The following SH3TC1 variants were observed in gnomAD, a reference collection of about 807,000 sequenced individuals.
The protein encoded by SH3TC1 is SH3 domain and tetratricopeptide repeat-containing protein 1.
SH3TC1 carries 135 observed loss-of-function variants against 117.3 expected under a neutral mutation model. That is an observed-to-expected ratio of 1.15 (90% CI 1.00 to 1.33). The LOEUF (loss-of-function observed/expected upper bound fraction) is 1.33. Ranked by LOEUF, SH3TC1 falls within the 40% of genes most tolerant of loss-of-function variation. SH3TC1 has a pLI of 0.00. For synonymous variants in SH3TC1, 898 were observed against 816.9 expected, an observed-to-expected ratio of 1.10 and a Z score of -1.69; for missense variants, 2,092 against 1,794.3, an observed-to-expected ratio of 1.17 and a Z score of -3.00.
chr4:8,220,936 C>T (rs1484423572), intron 9 of SH3TC1, among the ~76,000 whole-genome samples: 1 of 152,262 alleles, frequency 6.6e-6, no homozygotes, highest in Non-Finnish European at 1.5e-5. Context: ...TTCTCACACA[C>T]TGCTCCATCA....
In SH3TC1 at chr4:8,206,951, G is replaced by A. The variant is rs1403994360; in HGVS notation, c.172+1585G>A. 6.6e-6 allele frequency among the ~76,000 whole-genome samples: 1 copy of A among 151,358 alleles called. No individual in the cohort carries two copies. The highest frequency in any genetic ancestry group is 1.5e-5 in the Non-Finnish European group (1 of 67,950). The stretch of plus-strand genomic sequence containing the variant: ...AAGGTGTCCATATTTCCTAAAACCA[G>A]TACATTCTCTTATATAACCGCATTG... On this transcript the variant is annotated intron_variant, in intron 2 of 17. Coordinates refer to ENST00000245105, the MANE Select transcript of SH3TC1 (RefSeq NM_018986.5). The surrounding 1 kb of genome is among the most constrained non-coding windows in gnomAD (Gnocchi z 5.5).
rs373577257 is a variant in SH3TC1, at chr4:8,233,384, C to T, written c.3153C>T (p.Asp1051=). 57 of 1,613,054 alleles carry T rather than the reference C, an allele frequency of 3.5e-5. No individual in the cohort carries two copies. Among genetic ancestry groups the T allele is most frequent in the Non-Finnish European group, 4.7e-5 (55 of 1,179,574 alleles). The change falls in exon 14 of 18, where the codon GAC becomes GAT. Residue 1051 remains aspartate, a synonymous_variant. Transcript: ENST00000245105. ...CCAGGGCCTACAAATCCGCACTGGA[C>T]TACACCAAACGAAGTCTGGGGATTT... ...GTERAYKSAL[D]YTKRSLGIFI... is the part of the protein sequence containing the mutation.
At chr4:8,218,464 T>G (rs113142756) in intron 8 of SH3TC1, 117 bp downstream of exon 8, 3 of 669,972 alleles carry the variant, frequency 4.5e-6, no homozygotes, top group African/African-American at 1.8e-5. Context: ...TATCAGGTAG[T>G]GCAAGAGTAA....
intron 12 of SH3TC1, among the ~76,000 whole-genome samples, chr4:8,230,962 G>A (rs1329836293): frequency 2.0e-5 from 3 of 151,404 alleles, no homozygotes; most frequent in African/African-American, 7.3e-5. Flanking sequence ...GTATTTTTTT[G>A]TAGAGACGGG....
In SH3TC1 at chr4:8,227,821, C is replaced by G; in HGVS notation, c.2127C>G (p.Cys709Trp). Residue 709 changes from cysteine (C) to tryptophan (W), a missense_variant, in exon 12 of 18, where the codon TGC becomes TGG. Cys to Trp is a radical substitution (Grantham distance 215). Coordinates refer to ENST00000245105, the MANE Select transcript of SH3TC1 (RefSeq NM_018986.5). ...GAPEAAWLSD[C>W]YLLLADIYSR... ...CAGAGGCCGCGTGGCTCTCAGACTG[C>G]TACCTACTCCTGGCTGACATCTACA... The G allele has an allele frequency of 6.2e-7, 1 of 1,612,810 alleles. No homozygotes were observed. Among genetic ancestry groups the G allele is most frequent in the South Asian group, 1.1e-5 (1 of 91,086 alleles).
intron 2 of SH3TC1, among the ~76,000 whole-genome samples, chr4:8,208,772 G>A (rs1014932024): frequency 6.6e-6 from 1 of 152,242 alleles, no homozygotes; most frequent in Admixed American, 6.5e-5. Context: ...CGCCACTGCA[G>A]GTGGTCAGCA....
At chr4:8,185,884 C>G (rs532452244) in intron 1 of SH3TC1, among the ~76,000 whole-genome samples, 1 of 152,162 alleles carries the variant, frequency 6.6e-6, no homozygotes, top group Non-Finnish European at 1.5e-5. Context: ...GGTCATTTGC[C>G]CTCAGATGGG....
chr4:8,235,539 C>T lies in SH3TC1; in HGVS notation c.3389C>T (p.Ala1130Val), dbSNP rs1721730114. 6.2e-7 allele frequency: 1 copy of T among 1,601,406 alleles called. No homozygotes were observed. The highest frequency in any genetic ancestry group is 1.3e-5 in the African/African-American group (1 of 74,402). The change falls in exon 15 of 18, where the codon GCT becomes GTT. Residue 1130 changes from alanine (A) to valine (V), a missense_variant. By Grantham distance (64) the Ala-to-Val change is moderately conservative. Transcript: ENST00000245105. The stretch of plus-strand genomic sequence containing the variant: ...GACGGGGCCTGGGAGCGGGAGAAAG[C>T]TGTGTCCTTCTACCGGGTGAGCTGG... ...FFDGAWEREK[A>V]VSFYRDRALP...
At chr4:8,193,033 T>A (rs1717462653) in intron 1 of SH3TC1, among the ~76,000 whole-genome samples, 1 of 152,206 alleles carries the variant, frequency 6.6e-6, no homozygotes, top group South Asian at 2.1e-4. Context: ...TAATAGATAG[T>A]TTTCTTGGCA....
intron 13 of SH3TC1, chr4:8,233,126 C>T (rs1427513268): frequency 1.5e-6 from 2 of 1,357,610 alleles, no homozygotes; most frequent in Admixed American, 3.4e-5. Context: ...TAGCACGCTC[C>T]CCCAGCCACA....
chr4:8,234,485 A>G (rs1363323217), intron 14 of SH3TC1, among the ~76,000 whole-genome samples: 1 of 102,400 alleles, frequency 9.8e-6, no homozygotes, highest in African/African-American at 3.4e-5. Context: ...CCATCCATCC[A>G]TCCATCCACC....
At chr4:8,216,406 G>C (rs1719278820) in intron 6 of SH3TC1, 149 bp downstream of exon 6, 1 of 1,212,938 alleles carries the variant, frequency 8.2e-7, no homozygotes, top group Admixed American at 2.6e-5. Flanking sequence ...CAGGCAGGGA[G>C]GTGTGCTTGG....
In SH3TC1 at chr4:8,228,774, T is replaced by C. The variant is rs192914619; in HGVS notation, c.2950+130T>C. The C allele has an allele frequency of 8.1e-5, 65 of 798,252 alleles. No individual in the cohort carries two copies. In the Admixed American group the frequency reaches 2.1e-3, roughly 26 times the overall value. 49.4% of individuals were successfully genotyped at this position (798,252 alleles called of 1,614,324 possible). A position where few individuals can be genotyped will look rare whatever the true frequency, so the allele number is the denominator to read the frequency against. ...GTGCTGAGTCATGGCAAACAGCAGA[T>C]GTTGGCAAGCGCCCTGGAGACAGGC... On this transcript the variant is annotated intron_variant, in intron 12 of 17. Coordinates refer to ENST00000245105, the MANE Select transcript of SH3TC1 (RefSeq NM_018986.5).
chr4:8,200,317 G>C (rs1056713425), intron 1 of SH3TC1, among the ~76,000 whole-genome samples: 12 of 152,326 alleles, frequency 7.9e-5, no homozygotes, highest in Admixed American at 7.8e-4. Context: ...ATGGGTATGT[G>C]GGGGCTGGGC....
At chr4:8,236,257 C>A in intron 15 of SH3TC1, 21 bp from the exon 16 acceptor site, 1 of 1,533,340 alleles carries the variant, frequency 6.5e-7, no homozygotes, top group Non-Finnish European at 8.8e-7. Context: ...GGAAGCCTGA[C>A]CCCACCTGCC....
intron 13 of SH3TC1, chr4:8,232,842 T>G: frequency 5.5e-6 from 7 of 1,268,198 alleles, no homozygotes; most frequent in Non-Finnish European, 7.1e-6. Flanking sequence ...GCCAGTGTGT[T>G]AGAGCCATGT....
At chr4:8,194,241 C>A (rs746672437) in intron 1 of SH3TC1, among the ~76,000 whole-genome samples, 89 of 152,310 alleles carry the variant, frequency 5.8e-4, no homozygotes, top group Non-Finnish European at 4.3e-4. Flanking sequence ...GGGGGCTTCA[C>A]GCTGCTCTGT....
intron 9 of SH3TC1, among the ~76,000 whole-genome samples, chr4:8,221,738 A>G (rs1719938038): frequency 6.6e-6 from 1 of 152,236 alleles, no homozygotes; most frequent in Admixed American, 6.5e-5. Flanking sequence ...ATGAACGCAG[A>G]TACAATGCCA....
chr4:8,240,156 G>A (rs1429939913), intron 17 of SH3TC1, among the ~76,000 whole-genome samples: 2 of 152,192 alleles, frequency 1.3e-5, no homozygotes, highest in African/African-American at 4.8e-5. Flanking sequence ...CCAACCCAGG[G>A]ATGGTGAGTT....
Sources: allele counts gnomAD v4.1 joint callset (sites outside exome capture counted in the v4.1 genomes callset), GRCh38; gene constraint gnomAD v4.1.1; non-coding constraint Gnocchi (gnomAD v3.1); transcripts MANE v1.5; gene names NCBI Gene and HGNC (gene_info 2026-07-23, HGNC 2026-07-21).